KIF1A: variants seen among roughly 807,000 people sequenced by gnomAD.
The protein encoded by KIF1A is kinesin-like protein KIF1A.
In KIF1A, 46 loss-of-function variants were observed where a neutral mutation model predicts 227.3. The ratio of observed to expected loss-of-function variants is 0.20; its 90% CI spans 0.16 to 0.26. KIF1A has a LOEUF of 0.26. Among genes scored for constraint, KIF1A ranks in the 10% least tolerant of loss-of-function variants. The pLI, the probability that KIF1A is intolerant of heterozygous loss-of-function variation, is 1.00. For synonymous variants in KIF1A, 1,022 were observed against 1,012.8 expected, an observed-to-expected ratio of 1.01 and a Z score of -0.17; for missense variants, 1,683 against 2,485.9, an observed-to-expected ratio of 0.68 and a Z score of 6.87.
chr2:240,765,737 C>T lies in KIF1A; in HGVS notation c.1741G>A (p.Val581Ile). Residue 581 changes from valine to isoleucine, a missense_variant, in exon 20 of 49, where the codon GTC (valine) becomes ATC (isoleucine). Physicochemically the swap from Val to Ile is conservative, Grantham distance 29 (BLOSUM62 3). Coordinates refer to ENST00000498729, the MANE Select transcript of KIF1A (RefSeq NM_001244008.2). ...GAACGCAGGATGCTGGGCTCTGTGA[C>T]TTTCTTGCCATTGACGTAGGTGTCT... is the stretch of plus-strand genomic sequence containing the variant. ...GADTYVNGKK[V>I]TEPSILRSGN... The T allele has an allele frequency of 6.2e-7, 1 of 1,613,716 alleles. No homozygotes were observed. Among genetic ancestry groups the T allele is most frequent in the South Asian group, 1.1e-5 (1 of 91,072 alleles).
chr2:240,814,495 C>T (rs1227123013), intron 1 of KIF1A, among the ~76,000 whole-genome samples: 1 of 152,110 alleles, frequency 6.6e-6, no homozygotes, highest in African/African-American at 2.4e-5. Flanking sequence ...CAAGGATGTG[C>T]TCCAGCAAAA....
At chr2:240,819,781 C>A (rs2058596899) in intron 1 of KIF1A, among the ~76,000 whole-genome samples, 1 of 152,122 alleles carries the variant, frequency 6.6e-6, no homozygotes, top group Admixed American at 6.5e-5. Context: ...GCGGGGGTAT[C>A]CCGATCCCGC....
chr2:240,778,986 C>T lies in KIF1A; in HGVS notation c.883-3060G>A, dbSNP rs2053154244. On this transcript the variant is annotated intron_variant, in intron 10 of 48. Transcript: ENST00000498729. The surrounding 1 kb of genome is among the most constrained non-coding windows in gnomAD (Gnocchi z 7.2). Reference sequence around the variant, plus strand: ...CACACGGCTCCTCACGGGTCCCCAACAGCACCTCCATGTTCCCACCCAGTT... The same window carrying T: ...CACACGGCTCCTCACGGGTCCCCAATAGCACCTCCATGTTCCCACCCAGTT... Among the ~76,000 whole-genome samples, 1 of 152,168 alleles carries T rather than the reference C, an allele frequency of 6.6e-6. No individual in the cohort carries two copies. Among genetic ancestry groups the T allele is most frequent in the Non-Finnish European group, 1.5e-5 (1 of 68,046 alleles).
Position 240,782,447 on chromosome 2 carries a change from T to C in KIF1A, c.882+143A>G, listed in dbSNP as rs2054182686. 3 of 1,026,250 alleles carry C rather than the reference T, an allele frequency of 2.9e-6. No homozygotes were observed. In the South Asian group the frequency reaches 4.7e-5, roughly 16 times the overall value. The allele number at this position is 1,026,250 out of a possible 1,614,324, so 63.6% of individuals were successfully genotyped here. ...CACGGGGCCTCCCACACCCGCTTTC[T>C]TCCTTCCCGGGATCCACCCCCACGT... is the stretch of plus-strand genomic sequence containing the variant. On this transcript the variant is annotated intron_variant, in intron 10 of 48. Coordinates refer to ENST00000498729, the MANE Select transcript of KIF1A (RefSeq NM_001244008.2).
chr2:240,768,283 T>C (rs1341970160), intron 17 of KIF1A, among the ~76,000 whole-genome samples: 1 of 152,232 alleles, frequency 6.6e-6, no homozygotes, highest in East Asian at 1.9e-4. Context: ...ACCAAAGGCC[T>C]GTCTAGAAGA....
chr2:240,787,147 G>A (rs546261110), intron 5 of KIF1A, 104 bp downstream of exon 5: 99 of 922,028 alleles, frequency 1.1e-4, no homozygotes, highest in African/African-American at 7.0e-4. Flanking sequence ...CAAGCTGGGC[G>A]TGCAGACCCG....
intron 28 of KIF1A, among the ~76,000 whole-genome samples, chr2:240,749,881 T>A (rs978397509): frequency 6.6e-6 from 1 of 152,192 alleles, no homozygotes; most frequent in Non-Finnish European, 1.5e-5. Flanking sequence ...GACCAGGGAA[T>A]GCATCAGGGA....
At chr2:240,745,689 GCACAGAGTCCCTGCGCAGCGCAGGGA>G in intron 31 of KIF1A, 23 bp downstream of exon 31, 1 of 1,586,814 alleles carries the variant, frequency 6.3e-7, no homozygotes, top group Non-Finnish European at 8.6e-7. Context: ...GGAGCCTTGG[GCACAGAGTCCCTGCGCAGCGCAGGGA>G]CACAAAGGCA....
In KIF1A at chr2:240,750,450, C is replaced by T; in HGVS notation, c.2956G>A (p.Val986Met). The change falls in exon 28 of 49, where the codon GTG becomes ATG. Residue 986 changes from valine (V) to methionine (M), a missense_variant. Physicochemically the swap from Val to Met is conservative, Grantham distance 21. Coordinates refer to ENST00000498729, the MANE Select transcript of KIF1A (RefSeq NM_001244008.2). ...GCACCTGAGATGGCCTGGACGGCCA[C>T]GCGGAGGAAGCCCTTCACCTCGCCC... is the stretch of plus-strand genomic sequence containing the variant. ...EKGEVKGFLRVAVQAISADEE... is the reference protein window; with the variant it reads ...EKGEVKGFLRMAVQAISADEE... The T allele has an allele frequency of 1.2e-6, 2 of 1,613,668 alleles. No individual in the cohort carries two copies. The highest frequency in any genetic ancestry group is 2.2e-5 in the East Asian group (1 of 44,882).
Position 240,799,093 on chromosome 2 carries a change from G to A in KIF1A, c.-60-1281C>T, listed in dbSNP as rs573297966. 2.6e-5 allele frequency among the ~76,000 whole-genome samples: 4 copies of A among 152,234 alleles called. 1 individual carries two copies. The East Asian group carries it at 7.7e-4, about 29-fold the overall frequency. On this transcript the variant is annotated intron_variant, in intron 1 of 48. Coordinates refer to ENST00000498729, the MANE Select transcript of KIF1A (RefSeq NM_001244008.2). ...GCCCCAGCCTCATAGCTGTGAAGAAGGGACAAGCCCCTCTGGGCTGCCCCT... is the reference window on the plus strand; with the variant it reads ...GCCCCAGCCTCATAGCTGTGAAGAAAGGACAAGCCCCTCTGGGCTGCCCCT...
rs74002918 is a variant in KIF1A at position 240,767,600 on chromosome 2, C to T, written c.1498-255G>A. On this transcript the variant is annotated intron_variant, in intron 17 of 48. Coordinates refer to ENST00000498729, the MANE Select transcript of KIF1A (RefSeq NM_001244008.2). ...CCGCATACACCCAAGCCTGGCACAG[C>T]AGCCCCAGCACTGCAGCAGAAGCTG... Among the ~76,000 whole-genome samples, 7,843 of 152,372 alleles carry T rather than the reference C, an allele frequency of 0.051. 439 individuals carry two copies. The highest frequency in any genetic ancestry group is 0.13 in the African/African-American group (5,551 of 41,578).
chr2:240,766,894 G>A lies in KIF1A; in HGVS notation c.1684+21C>T. ...CGGCACAGGGGCATGGGTGCGGGTA[G>A]GGACGGTAGGGTGGTGATACCTTCG... On this transcript the variant is annotated intron_variant, in intron 19 of 48. Coordinates refer to ENST00000498729, the MANE Select transcript of KIF1A (RefSeq NM_001244008.2). The surrounding 1 kb of genome is among the most constrained non-coding windows in gnomAD (Gnocchi z 5.0). The A allele has an allele frequency of 6.5e-7, 1 of 1,548,702 alleles. No homozygotes were observed. The highest frequency in any genetic ancestry group is 8.8e-7 in the Non-Finnish European group (1 of 1,130,580).
At chr2:240,722,933 C>G (rs527915812) in intron 42 of KIF1A, among the ~76,000 whole-genome samples, 1 of 152,292 alleles carries the variant, frequency 6.6e-6, no homozygotes, top group Admixed American at 6.5e-5. Flanking sequence ...GCGCCAGGTT[C>G]TGGGGCAGGG....
intron 25 of KIF1A, 89 bp downstream of exon 25, chr2:240,760,576 G>C: frequency 9.5e-7 from 1 of 1,052,806 alleles, no homozygotes; most frequent in Non-Finnish European, 1.3e-6. Flanking sequence ...GGTACTCGCT[G>C]TGAAGCCTGT....
At chr2:240,720,460 C>T (rs1320368550) in intron 45 of KIF1A, among the ~76,000 whole-genome samples, 2 of 152,214 alleles carry the variant, frequency 1.3e-5, no homozygotes, top group Non-Finnish European at 2.9e-5. Flanking sequence ...CCTTAAGGCG[C>T]TTAAAACAAG....
chr2:240,771,927 G>A (rs1452665466), intron 14 of KIF1A, among the ~76,000 whole-genome samples: 1 of 152,232 alleles, frequency 6.6e-6, no homozygotes, highest in Non-Finnish European at 1.5e-5. Context: ...ACACAGCAGA[G>A]CAGCAGCAAG....
intron 47 of KIF1A, among the ~76,000 whole-genome samples, chr2:240,718,703 A>C (rs1439024197): frequency 6.6e-6 from 1 of 152,158 alleles, no homozygotes; most frequent in African/African-American, 2.4e-5. Context: ...ACCTTGGGTG[A>C]CTCCGGAGGA....
Position 240,766,743 on chromosome 2 carries a change from T to TCACACACACACACACACACA in KIF1A, c.1684+171_1684+172insTGTGTGTGTGTGTGTGTGTG, listed in dbSNP as rs780626531. Among the ~76,000 whole-genome samples, 2 of 125,516 alleles carry TCACACACACACACACACACA rather than the reference T, an allele frequency of 1.6e-5. No individual in the cohort carries two copies. Among genetic ancestry groups the TCACACACACACACACACACA allele is most frequent in the Admixed American group, 1.6e-4 (2 of 12,130 alleles). 82.3% of individuals were successfully genotyped at this position (125,516 alleles called of 152,430 possible). A position where few individuals can be genotyped will look rare whatever the true frequency, so the allele number is the denominator to read the frequency against. ...CCAAATCTCTCTCTCTCTCTCTCTC[T>TCACACACACACACACACACA]CTCTCTCACACACACACACACACAC... On this transcript the variant is annotated intron_variant, in intron 19 of 48. Coordinates refer to ENST00000498729, the MANE Select transcript of KIF1A (RefSeq NM_001244008.2). This position sits in a 1 kb window ranked among gnomAD's most constrained non-coding sequence, Gnocchi z 5.0.
chr2:240,775,108 C>G lies in KIF1A; in HGVS notation c.958+743G>C, dbSNP rs1031522354. Among the ~76,000 whole-genome samples the G allele has an allele frequency of 6.6e-6, 1 of 152,222 alleles. No homozygotes were observed. The highest frequency in any genetic ancestry group is 1.5e-5 in the Non-Finnish European group (1 of 68,030). On this transcript the variant is annotated intron_variant, in intron 11 of 48. Transcript: ENST00000498729. The surrounding 1 kb of genome is among the most constrained non-coding windows in gnomAD (Gnocchi z 5.5). The stretch of plus-strand genomic sequence containing the variant: ...CTCAGGTGAAGGAACACACTCTCCT[C>G]CTCTCTCAGCGGGGCCCATCCATCC...
Sources: gnomAD v4.1 joint callset for allele counts (sites outside exome capture counted in the v4.1 genomes callset) on GRCh38, gnomAD v4.1.1 for gene constraint, Gnocchi (gnomAD v3.1) non-coding constraint, MANE v1.5 for transcripts, NCBI Gene and HGNC (gene_info 2026-07-23, HGNC 2026-07-21) for gene names.